The following BRAF variants were observed in gnomAD, a reference collection of about 807,000 sequenced individuals.
BRAF encodes serine/threonine-protein kinase B-raf.
A neutral mutation model predicts 104.6 loss-of-function variants in BRAF; 16 were observed. The ratio of observed to expected loss-of-function variants is 0.15; its 90% CI spans 0.10 to 0.23. BRAF has a LOEUF of 0.23. Ranked by LOEUF, BRAF falls within the 10% of genes least tolerant of loss-of-function variation. BRAF has a pLI of 1.00. For synonymous variants in BRAF, 310 were observed against 341.6 expected, an observed-to-expected ratio of 0.91 and a Z score of 1.02; for missense variants, 541 against 937.3, an observed-to-expected ratio of 0.58 and a Z score of 5.52.
chr7:140,883,221 A>C (rs1813150834), intron 1 of BRAF, among the ~76,000 whole-genome samples: 1 of 152,122 alleles, frequency 6.6e-6, no homozygotes, highest in African/African-American at 2.4e-5. Flanking sequence ...TTTAACCTTG[A>C]AACATGGAAT....
At chr7:140,752,449 C>T (rs1236276577) in intron 16 of BRAF, among the ~76,000 whole-genome samples, 1 of 152,196 alleles carries the variant, frequency 6.6e-6, no homozygotes, top group African/African-American at 2.4e-5. Context: ...AATCTTGTCT[C>T]ACAAAGGGAA....
chr7:140,825,194 T>C (rs1234477178), intron 3 of BRAF, among the ~76,000 whole-genome samples: 1 of 151,996 alleles, frequency 6.6e-6, no homozygotes, highest in Non-Finnish European at 1.5e-5. Flanking sequence ...GGTCTTGAAC[T>C]CCCGACCTCA....
In BRAF at chr7:140,924,713, G is replaced by T; in HGVS notation, c.-10C>A. On this transcript the variant is annotated 5_prime_UTR_variant, in exon 1 of 20. Transcript: ENST00000644969. This position sits in a 1 kb window ranked among gnomAD's most constrained non-coding sequence, Gnocchi z 4.2. Reference sequence around the variant, plus strand: ...CGCTCAGCGCCGCCATCTTATAACCGAGAGCCGGGGCCCGAGCGGCCGCTG... The same window carrying T: ...CGCTCAGCGCCGCCATCTTATAACCTAGAGCCGGGGCCCGAGCGGCCGCTG... The T allele has an allele frequency of 1.1e-6, 1 of 939,620 alleles. No homozygotes were observed. Among genetic ancestry groups the T allele is most frequent in the Non-Finnish European group, 1.6e-6 (1 of 621,024 alleles). The allele number at this position is 939,620 out of a possible 1,614,324, so 58.2% of individuals were successfully genotyped here.
chr7:140,903,669 TG>T (rs1308582586), intron 1 of BRAF, among the ~76,000 whole-genome samples: 2 of 152,254 alleles, frequency 1.3e-5, no homozygotes, highest in Non-Finnish European at 2.9e-5. Context: ...CTGATGGATC[TG>T]GGCAACATTA....
downstream of BRAF, among the ~76,000 whole-genome samples, chr7:140,716,342 G>A (rs1340624301): frequency 1.3e-5 from 2 of 152,160 alleles, no homozygotes; most frequent in Non-Finnish European, 2.9e-5. Flanking sequence ...CTAATTTGTA[G>A]AATGGATTAA....
At chr7:140,908,623 G>A (rs1816600103) in intron 1 of BRAF, among the ~76,000 whole-genome samples, 1 of 152,064 alleles carries the variant, frequency 6.6e-6, no homozygotes, top group South Asian at 2.1e-4. Flanking sequence ...AACTTGAAAG[G>A]TTTATTTTTC....
intron 14 of BRAF, among the ~76,000 whole-genome samples, chr7:140,771,170 A>C (rs1285250512): frequency 6.6e-6 from 1 of 152,140 alleles, no homozygotes; most frequent in African/African-American, 2.4e-5. Context: ...ACACATTTGA[A>C]AGTCCTAATG....
downstream of BRAF, among the ~76,000 whole-genome samples, chr7:140,715,499 A>G (rs1376791118): frequency 1.3e-5 from 2 of 152,202 alleles, no homozygotes; most frequent in East Asian, 1.9e-4. Flanking sequence ...AAAGAATACA[A>G]TCTACAACAG....
chr7:140,759,058 T>G (rs1798444735), intron 14 of BRAF, among the ~76,000 whole-genome samples: 1 of 152,236 alleles, frequency 6.6e-6, no homozygotes, highest in African/African-American at 2.4e-5. Context: ...AATTGTGAGA[T>G]TCACGCACTG....
Position 140,726,131 on chromosome 7 carries a change from CA to C in BRAF, c.*362del. 9.0e-7 allele frequency: 1 copy of C among 1,112,976 alleles called. No homozygotes were observed. The highest frequency in any genetic ancestry group is 1.1e-6 in the Non-Finnish European group (1 of 910,832). 68.9% of individuals were successfully genotyped at this position (1,112,976 alleles called of 1,614,324 possible). On this transcript the variant is annotated 3_prime_UTR_variant, in exon 20 of 20. Coordinates refer to ENST00000644969, the MANE Select transcript of BRAF (RefSeq NM_001374258.1). ...CAAATTGATCTGGTGGTTAGAAGGG[CA>C]AAGTTGACTGGCAGACTTTCCATAG...
At chr7:140,892,690 A>G (rs1024562780) in intron 1 of BRAF, among the ~76,000 whole-genome samples, 2 of 152,222 alleles carry the variant, frequency 1.3e-5, no homozygotes, top group Non-Finnish European at 2.9e-5. Flanking sequence ...GCAAGATCAC[A>G]GAGGACCTGA....
chr7:140,913,883 T>C (rs1343835861), intron 1 of BRAF, among the ~76,000 whole-genome samples: 1 of 152,228 alleles, frequency 6.6e-6, no homozygotes, highest in Non-Finnish European at 1.5e-5. Context: ...CTCTTTCCCA[T>C]GAATTGCTTA....
At chr7:140,808,091 G>T in intron 4 of BRAF, 29 bp from the exon 5 acceptor site, 1 of 1,524,832 alleles carries the variant, frequency 6.6e-7, no homozygotes, top group South Asian at 1.1e-5. Context: ...AGCCTTTCTT[G>T]GTTATTACAC....
At chr7:140,801,990 T>C (rs1027136490) in intron 5 of BRAF, among the ~76,000 whole-genome samples, 2 of 151,958 alleles carry the variant, frequency 1.3e-5, no homozygotes, top group South Asian at 2.1e-4. Flanking sequence ...AGGCACCCAA[T>C]AGAAGAACCA....
chr7:140,810,632 G>C (rs1804160028), intron 3 of BRAF, among the ~76,000 whole-genome samples: 1 of 152,144 alleles, frequency 6.6e-6, no homozygotes. Flanking sequence ...TGTCATGAGA[G>C]ACTGGGCTCA....
chr7:140,734,845 CAGAA>C (rs1796282681), intron 18 of BRAF, 75 bp from the exon 18 acceptor site: 1 of 1,374,050 alleles, frequency 7.3e-7, no homozygotes, highest in Non-Finnish European at 9.5e-7. Context: ...AAAGAAAAAA[CAGAA>C]AGAAGAATGA....
At chr7:140,801,606 C>T in intron 5 of BRAF, 46 bp from the exon 6 acceptor site, 1 of 1,587,046 alleles carries the variant, frequency 6.3e-7, no homozygotes, top group Non-Finnish European at 8.6e-7. Context: ...CACAAGAAAA[C>T]TTTCTAGAAA....
At chr7:140,847,672 G>C (rs1808720477) in intron 2 of BRAF, among the ~76,000 whole-genome samples, 1 of 151,956 alleles carries the variant, frequency 6.6e-6, no homozygotes. Context: ...CTTAATATTT[G>C]AATCAGGAAC....
At chr7:140,864,912 G>T (rs747360825) in intron 1 of BRAF, among the ~76,000 whole-genome samples, 1 of 152,092 alleles carries the variant, frequency 6.6e-6, no homozygotes, top group Non-Finnish European at 1.5e-5. Flanking sequence ...AATGGTCTTC[G>T]ATAACAAATG....
Sources: allele counts gnomAD v4.1 joint callset (sites outside exome capture counted in the v4.1 genomes callset), GRCh38; gene constraint gnomAD v4.1.1; non-coding constraint Gnocchi (gnomAD v3.1); transcripts MANE v1.5; gene names NCBI Gene and HGNC (gene_info 2026-07-23, HGNC 2026-07-21).